IPMK: variants seen among roughly 807,000 people sequenced by gnomAD.
IPMK encodes the protein inositol 1,3,4,6-tetrakisphosphate 5-kinase.
In IPMK, 17 loss-of-function variants were observed where a neutral mutation model predicts 45.8. The observed-to-expected ratio is 0.37, with a 90% confidence interval of 0.25 to 0.56. The LOEUF is 0.56. Among genes scored for constraint, IPMK ranks in the 20% least tolerant of loss-of-function variants. The pLI is 0.79. For synonymous variants in IPMK, 180 were observed against 184.3 expected, an observed-to-expected ratio of 0.98 and a Z score of 0.19; for missense variants, 399 against 498.0, an observed-to-expected ratio of 0.80 and a Z score of 1.89.
At chr10:58,236,936 G>A (rs923685037) in intron 2 of IPMK, among the ~76,000 whole-genome samples, 13 of 152,130 alleles carry the variant, frequency 8.5e-5, no homozygotes, top group Non-Finnish European at 1.8e-4. Context: ...CGGGCTGCGT[G>A]GCACACGCCT....
intron 1 of IPMK, among the ~76,000 whole-genome samples, chr10:58,257,587 T>C (rs1322624708): frequency 6.6e-6 from 1 of 152,316 alleles, no homozygotes; most frequent in Middle Eastern, 3.4e-3. Flanking sequence ...GACAAGGCAA[T>C]GGCTGAAATG....
intron 3 of IPMK, 71 bp downstream of exon 3, chr10:58,226,972 T>C (rs1391170293): frequency 1.0e-6 from 1 of 980,368 alleles, no homozygotes; most frequent in Non-Finnish European, 1.5e-6. Flanking sequence ...AAATTTTAAT[T>C]TTACATAAGG....
chr10:58,207,482 G>T (rs1179848658), intron 4 of IPMK, among the ~76,000 whole-genome samples: 1 of 152,192 alleles, frequency 6.6e-6, no homozygotes, highest in Non-Finnish European at 1.5e-5. Flanking sequence ...TTCCATAGTG[G>T]TTGTATTAGT....
chr10:58,197,326 A>AATAAATAAATAAATAAATAAATACATAC lies in IPMK; in HGVS notation c.629-629_629-628insGTATGTATTTATTTATTTATTTATTTAT, dbSNP rs764500371. ...AAATAAATAAATAAATAAATAAATA[A>AATAAATAAATAAATAAATAAATACATAC]ATACATAAATACATAAACACATAAA... On this transcript the variant is annotated intron_variant, in intron 5 of 5. Coordinates refer to ENST00000373935, the MANE Select transcript of IPMK (RefSeq NM_152230.5). Among the ~76,000 whole-genome samples, 620 of 146,478 alleles carry AATAAATAAATAAATAAATAAATACATAC rather than the reference A, an allele frequency of 4.2e-3. 2 individuals are homozygous for AATAAATAAATAAATAAATAAATACATAC. The highest frequency in any genetic ancestry group is 6.5e-3 in the African/African-American group (248 of 37,980).
At chr10:58,218,980 C>G (rs911561203) in intron 3 of IPMK, among the ~76,000 whole-genome samples, 5 of 152,158 alleles carry the variant, frequency 3.3e-5, no homozygotes, top group Non-Finnish European at 7.4e-5. Context: ...TGAGGCACCC[C>G]TTCAGTAAAT....
chr10:58,236,634 G>A (rs1014008929), intron 2 of IPMK, among the ~76,000 whole-genome samples: 5 of 152,248 alleles, frequency 3.3e-5, no homozygotes, highest in South Asian at 2.1e-4. Flanking sequence ...GCCAGGTGTC[G>A]TGGCTCAAGC....
chr10:58,202,314 G>A (rs929374572), intron 4 of IPMK, among the ~76,000 whole-genome samples: 3 of 152,078 alleles, frequency 2.0e-5, no homozygotes, highest in Admixed American at 6.6e-5. Context: ...TCTTATTAGG[G>A]GCAAATGCAG....
chr10:58,207,782 C>T (rs919566098), intron 4 of IPMK, among the ~76,000 whole-genome samples: 12 of 152,032 alleles, frequency 7.9e-5, no homozygotes, highest in Admixed American at 2.6e-4. Flanking sequence ...GATTTCTTTG[C>T]GTTTCTTGTA....
At chr10:58,219,467 A>G (rs1037692791) in intron 3 of IPMK, among the ~76,000 whole-genome samples, 39 of 152,174 alleles carry the variant, frequency 2.6e-4, no homozygotes, top group African/African-American at 9.4e-4. Flanking sequence ...AAATGCTATT[A>G]GCAAATTCTT....
chr10:58,195,168 A>G lies in IPMK; in HGVS notation c.*908T>C, dbSNP rs865981909. The G allele has an allele frequency of 6.6e-5, 10 of 152,088 alleles. No homozygotes were observed. Among genetic ancestry groups the G allele is most frequent in the African/African-American group, 2.4e-4 (10 of 41,452 alleles). The allele number at this position is 152,088 out of a possible 1,614,324, so 9.4% of individuals were successfully genotyped here. A position where few individuals can be genotyped will look rare whatever the true frequency, so the allele number is the denominator to read the frequency against. On this transcript the variant is annotated 3_prime_UTR_variant, in exon 6 of 6. Transcript: ENST00000373935. Reference sequence around the variant, plus strand: ...CACTTAACTAAATGGGGACATATAAATACATAAATTTTTAAAGAAAAAAAT... The same window carrying G: ...CACTTAACTAAATGGGGACATATAAGTACATAAATTTTTAAAGAAAAAAAT...
intron 4 of IPMK, among the ~76,000 whole-genome samples, chr10:58,214,052 G>T (rs1838207992): frequency 6.6e-6 from 1 of 152,220 alleles, no homozygotes; most frequent in African/African-American, 2.4e-5. Flanking sequence ...TAAAGGTGGG[G>T]TTTTGATGTT....
At position 58,267,620 on chromosome 10, in the gene IPMK, G is replaced by A; in HGVS notation, c.-9C>T. 6.3e-7 allele frequency: 1 copy of A among 1,577,906 alleles called. No homozygotes were observed. The highest frequency in any genetic ancestry group is 8.6e-7 in the Non-Finnish European group (1 of 1,159,004). On this transcript the variant is annotated 5_prime_UTR_variant, in exon 1 of 6. Coordinates refer to ENST00000373935, the MANE Select transcript of IPMK (RefSeq NM_152230.5). ...GGTGGCTCTGTTGCCATAACGGAGA[G>A]CAGAAGCGGTAACGGCAGCGAGAGT... is the stretch of plus-strand genomic sequence containing the variant.
At position 58,192,894 on chromosome 10, in the gene IPMK, A is replaced by G. The variant is rs1351349901; in HGVS notation, c.*3182T>C. The stretch of plus-strand genomic sequence containing the variant: ...ACTGAGGGTACAAACATATCAAATC[A>G]AGACTAAAGGCACTGGAGAAAGAAG... On this transcript the variant is annotated 3_prime_UTR_variant, in exon 6 of 6. Coordinates refer to ENST00000373935, the MANE Select transcript of IPMK (RefSeq NM_152230.5). 1 of 152,030 alleles carries G rather than the reference A, an allele frequency of 6.6e-6. No individual in the cohort carries two copies. Among genetic ancestry groups the G allele is most frequent in the African/African-American group, 2.4e-5 (1 of 41,452 alleles). 9.4% of individuals were successfully genotyped at this position (152,030 alleles called of 1,614,324 possible).
chr10:58,198,800 A>G (rs1837945591), intron 5 of IPMK, among the ~76,000 whole-genome samples: 1 of 152,184 alleles, frequency 6.6e-6, no homozygotes, highest in South Asian at 2.1e-4. Context: ...TAGCTCTAGA[A>G]ACTTACATAG....
intron 4 of IPMK, among the ~76,000 whole-genome samples, chr10:58,203,361 G>A (rs538795791): frequency 2.6e-4 from 40 of 152,362 alleles, no homozygotes; most frequent in Non-Finnish European, 4.9e-4. Context: ...CTGTCACCCA[G>A]GCTGGAGTGC....
chr10:58,198,776 A>C (rs1038169503), intron 5 of IPMK, among the ~76,000 whole-genome samples: 3 of 152,178 alleles, frequency 2.0e-5, no homozygotes, highest in African/African-American at 7.2e-5. Context: ...AATGCCACTT[A>C]ATTATTCATT....
At chr10:58,246,477 A>C (rs920560104) in intron 1 of IPMK, among the ~76,000 whole-genome samples, 2 of 143,520 alleles carry the variant, frequency 1.4e-5, no homozygotes, top group South Asian at 2.2e-4. Flanking sequence ...TGGAACAGAA[A>C]AGAGCCCTCA....
At chr10:58,244,098 C>A (rs1838748599) in intron 1 of IPMK, among the ~76,000 whole-genome samples, 1 of 151,094 alleles carries the variant, frequency 6.6e-6, no homozygotes, top group Non-Finnish European at 1.5e-5. Flanking sequence ...TGCCCGGCCG[C>A]CCCGTCTGGG....
intron 1 of IPMK, among the ~76,000 whole-genome samples, chr10:58,248,974 T>G (rs1838844475): frequency 6.6e-6 from 1 of 152,248 alleles, no homozygotes; most frequent in Admixed American, 6.5e-5. Flanking sequence ...TTGGCTATTG[T>G]GAATATAGCT....
Sources: gnomAD v4.1 joint callset for allele counts (sites outside exome capture counted in the v4.1 genomes callset) on GRCh38, gnomAD v4.1.1 for gene constraint, MANE v1.5 for transcripts, NCBI Gene and HGNC (gene_info 2026-07-23, HGNC 2026-07-21) for gene names.